Variants in ADGRL3 observed in about 807,000 individuals in gnomAD.
The protein encoded by ADGRL3 is calcium-independent alpha-latrotoxin receptor 3.
A neutral mutation model predicts 153.5 loss-of-function variants in ADGRL3; 62 were observed. The ratio of observed to expected loss-of-function variants is 0.40; its 90% CI spans 0.33 to 0.50. ADGRL3 has a LOEUF of 0.50. Ranked by LOEUF, ADGRL3 falls within the 20% of genes least tolerant of loss-of-function variation. The pLI is 0.47. For missense variants in ADGRL3, 1,641 were observed against 1,859.4 expected, an observed-to-expected ratio of 0.88 and a Z score of 2.16; for synonymous variants, 710 against 672.5, an observed-to-expected ratio of 1.06 and a Z score of -0.86.
At chr4:61,456,449 ATATC>A (rs1356152373) in intron 2 of ADGRL3, among the ~76,000 whole-genome samples, 2 of 121,498 alleles carry the variant, frequency 1.6e-5, no homozygotes, top group East Asian at 4.0e-4. Flanking sequence ...AGATATATCT[ATATC>A]TATATATATA....
chr4:61,355,614 G>C (rs2096149347), intron 1 of ADGRL3, among the ~76,000 whole-genome samples: 1 of 144,314 alleles, frequency 6.9e-6, no homozygotes, highest in Non-Finnish European at 1.6e-5. Flanking sequence ...ACATGTGACT[G>C]AGCCCTTTAT....
chr4:61,311,333 C>T (rs756671887), intron 1 of ADGRL3, among the ~76,000 whole-genome samples: 19 of 152,082 alleles, frequency 1.2e-4, no homozygotes, highest in South Asian at 4.1e-4. Flanking sequence ...TTGCTGTGGA[C>T]GTATTAGAGA....
chr4:61,628,741 A>T (rs1180393287), intron 5 of ADGRL3, among the ~76,000 whole-genome samples: 1 of 152,114 alleles, frequency 6.6e-6, no homozygotes, highest in African/African-American at 2.4e-5. Flanking sequence ...TCTCAAAGAG[A>T]GGGCTGTAAA....
chr4:62,035,707 T>C (rs1350980928), intron 23 of ADGRL3, among the ~76,000 whole-genome samples: 1 of 152,126 alleles, frequency 6.6e-6, no homozygotes, highest in Non-Finnish European at 1.5e-5. Flanking sequence ...ATTAGTAATA[T>C]ACAATGCCTG....
intron 5 of ADGRL3, among the ~76,000 whole-genome samples, chr4:61,649,436 C>CA (rs1365272272): frequency 6.6e-6 from 1 of 152,086 alleles, no homozygotes; most frequent in Non-Finnish European, 1.5e-5. Context: ...TGTATACCTT[C>CA]AGTCCTCCAT....
chr4:61,977,923 G>A (rs576058540), intron 17 of ADGRL3, among the ~76,000 whole-genome samples: 12 of 152,134 alleles, frequency 7.9e-5, no homozygotes, highest in African/African-American at 2.2e-4. Flanking sequence ...GTGCCCAATA[G>A]GTTTTCTACC....
chr4:61,785,448 T>G (rs545766600), intron 8 of ADGRL3, among the ~76,000 whole-genome samples: 2 of 152,292 alleles, frequency 1.3e-5, no homozygotes, highest in Non-Finnish European at 2.9e-5. Flanking sequence ...GTCTAAAATT[T>G]CAAAATATTG....
intron 1 of ADGRL3, among the ~76,000 whole-genome samples, chr4:61,357,108 G>A (rs1340278894): frequency 2.0e-5 from 3 of 151,806 alleles, no homozygotes; most frequent in Non-Finnish European, 4.4e-5. Context: ...GGATTTTAAC[G>A]TTTATTTTTT....
intron 4 of ADGRL3, among the ~76,000 whole-genome samples, chr4:61,520,865 C>G (rs2098526866): frequency 6.6e-6 from 1 of 151,936 alleles, no homozygotes; most frequent in Admixed American, 6.6e-5. Context: ...ATCTTTCCAA[C>G]AGCTTTCTCT....
rs141176303 is a variant in ADGRL3 at position 61,249,282 on chromosome 4, A to G, written c.-240+47517A>G. 4.8e-3 allele frequency among the ~76,000 whole-genome samples: 725 copies of G among 152,316 alleles called. 9 individuals carry two copies. The highest frequency in any genetic ancestry group is 0.017 in the African/African-American group (688 of 41,574). On this transcript the variant is annotated intron_variant, in intron 1 of 26. Transcript: ENST00000683033. Reference sequence around the variant, plus strand: ...ACATTCATAAGGATTAACTGTGTCCAACAGTGTTTATCAGAAAACCCAACA... The same window carrying G: ...ACATTCATAAGGATTAACTGTGTCCGACAGTGTTTATCAGAAAACCCAACA...
intron 1 of ADGRL3, among the ~76,000 whole-genome samples, chr4:61,329,255 A>G (rs1043625790): frequency 1.3e-5 from 2 of 152,194 alleles, no homozygotes; most frequent in African/African-American, 2.4e-5. Flanking sequence ...AAGATTTATA[A>G]TTGAAAAAAG....
At chr4:61,730,730 T>C in intron 7 of ADGRL3, 94 bp downstream of exon 7, 1 of 313,000 alleles carries the variant, frequency 3.2e-6, no homozygotes. Flanking sequence ...TATTAATTCT[T>C]ATCTATTTTA....
chr4:61,495,959 A>G (rs942814715), intron 2 of ADGRL3, among the ~76,000 whole-genome samples: 2 of 152,226 alleles, frequency 1.3e-5, no homozygotes, highest in Non-Finnish European at 2.9e-5. Context: ...TTAGAATAAC[A>G]TAAATGAAAC....
At chr4:61,583,319 C>G (rs906910622) in intron 4 of ADGRL3, among the ~76,000 whole-genome samples, 2 of 151,884 alleles carry the variant, frequency 1.3e-5, no homozygotes, top group Admixed American at 6.6e-5. Context: ...CTTTAGTTAC[C>G]ATCACACACA....
At chr4:61,723,426 C>T (rs772887279) in intron 6 of ADGRL3, among the ~76,000 whole-genome samples, 2 of 152,018 alleles carry the variant, frequency 1.3e-5, no homozygotes, top group Non-Finnish European at 2.9e-5. Context: ...GAAAAAAGCT[C>T]CCCCATACAG....
intron 2 of ADGRL3, among the ~76,000 whole-genome samples, chr4:61,496,389 C>A (rs1050513523): frequency 3.9e-5 from 6 of 152,056 alleles, no homozygotes; most frequent in Admixed American, 2.6e-4. Flanking sequence ...TTTAGCCAGG[C>A]GCAGTGGCTC....
At chr4:61,552,174 A>ATG (rs33991205) in intron 4 of ADGRL3, among the ~76,000 whole-genome samples, 10 of 104 alleles carry the variant, frequency 0.096, no homozygotes, top group Non-Finnish European at 0.16. Flanking sequence ...TAACAGGCTC[A>ATG]TATGTCACTT....
chr4:61,662,419 C>A (rs553538558), intron 5 of ADGRL3, among the ~76,000 whole-genome samples: 1 of 152,368 alleles, frequency 6.6e-6, no homozygotes, highest in Non-Finnish European at 1.5e-5. Flanking sequence ...TTAGGCTAAG[C>A]CTGAGCGCTG....
In ADGRL3 at chr4:61,264,551, T is replaced by C. The variant is rs369997459; in HGVS notation, c.-240+62786T>C. ...CCTTCCCTTTCTTCCTTTTTAAAAA[T>C]CACCCATGTATGTATTCAAGAAAAG... On this transcript the variant is annotated intron_variant, in intron 1 of 26. Transcript: ENST00000683033. Among the ~76,000 whole-genome samples the C allele has an allele frequency of 7.2e-4, 109 of 152,130 alleles. 1 individual carries two copies. The South Asian group carries it at 0.022, about 31-fold the overall frequency.
Sources: allele counts gnomAD v4.1 joint callset (sites outside exome capture counted in the v4.1 genomes callset), GRCh38; gene constraint gnomAD v4.1.1; transcripts MANE v1.5; gene names NCBI Gene and HGNC (gene_info 2026-07-23, HGNC 2026-07-21).